Variants in KMT2B observed in about 807,000 individuals in gnomAD.
The protein encoded by KMT2B is histone-lysine N-methyltransferase 2B.
KMT2B carries 22 observed loss-of-function variants against 255.3 expected under a neutral mutation model. That is an observed-to-expected ratio of 0.09 (90% CI 0.06 to 0.12). KMT2B has a LOEUF of 0.12. Ranked by LOEUF, KMT2B falls within the 10% of genes least tolerant of loss-of-function variation. KMT2B has a pLI of 1.00. For missense variants in KMT2B, 3,149 were observed against 3,737.0 expected (o/e 0.84, Z 4.10); for synonymous variants, 1,730 against 1,498.1 (o/e 1.15, Z -3.57).
chr19:35,730,205 C>T (rs1442050734), intron 23 of KMT2B, 80 bp downstream of exon 23: 20 of 1,601,222 alleles, frequency 1.2e-5, no homozygotes, highest in Non-Finnish European at 1.5e-5. Flanking sequence ...GCCCCCAGGC[C>T]TGGCCCTACT....
In KMT2B at chr19:35,721,247, C is replaced by G; in HGVS notation, c.1900C>G (p.Pro634Ala). ...TCCACCTCCCCCGGCCCCCTCCCCA[C>G]CCCCTGCTCCTGCCACCTCCTCCCG... is the stretch of plus-strand genomic sequence containing the variant. ...APPPPPAPSP[P>A]PAPATSSRRP... Residue 634 changes from proline (P) to alanine (A), a missense_variant, in exon 3 of 37, where the codon CCC (proline) becomes GCC (alanine). By Grantham distance (27) the Pro-to-Ala change is conservative. This residue lies in a region of KMT2B where 1,188 missense variants were observed against 1,106.4 expected (regional missense o/e 1.07). Coordinates refer to ENST00000420124, the MANE Select transcript of KMT2B (RefSeq NM_014727.3). 6.6e-7 allele frequency: 1 copy of G among 1,520,200 alleles called. No homozygotes were observed. Among genetic ancestry groups the G allele is most frequent in the Non-Finnish European group, 8.8e-7 (1 of 1,130,698 alleles). 94.2% of individuals were successfully genotyped at this position (1,520,200 alleles called of 1,614,324 possible). A position where few individuals can be genotyped will look rare whatever the true frequency, so the allele number is the denominator to read the frequency against.
In KMT2B at chr19:35,730,352, A is replaced by G; in HGVS notation, c.5087A>G (p.Asn1696Ser). The G allele has an allele frequency of 3.1e-6, 5 of 1,610,868 alleles. No homozygotes were observed. The highest frequency in any genetic ancestry group is 4.2e-6 in the Non-Finnish European group (5 of 1,177,278). The change falls in exon 24 of 37, where the codon AAC (asparagine) becomes AGC (serine). Residue 1696 changes from asparagine to serine, a missense_variant. This residue lies in a region of KMT2B where 58 missense variants were observed against 96.9 expected (regional missense o/e 0.60). Coordinates refer to ENST00000420124, the MANE Select transcript of KMT2B (RefSeq NM_014727.3). The stretch of plus-strand genomic sequence containing the variant: ...CACCCCCTCTTCCAGGAAATTGTGA[A>G]CCCCGATGGTTTTGATGTTCTCCGC... ...TDLLDGKEIV[N>S]PDGFDVLRRV...
In KMT2B at chr19:35,720,240, G is replaced by A. The variant is rs745309333; in HGVS notation, c.893G>A (p.Gly298Asp). 5 of 1,612,314 alleles carry A rather than the reference G, an allele frequency of 3.1e-6. No homozygotes were observed. The South Asian group carries it at 5.5e-5, about 18-fold the overall frequency. Residue 298 changes from glycine (G) to aspartate (D), a missense_variant, in exon 3 of 37, where the codon GGT becomes GAT. Gly to Asp is a moderately conservative substitution (Grantham distance 94, BLOSUM62 -1). This residue lies in a region of KMT2B where 1,188 missense variants were observed against 1,106.4 expected (regional missense o/e 1.07). Transcript: ENST00000420124. ...GGRGGRGRGRGGGLPFVIKFV... is the reference protein window; with the variant it reads ...GGRGGRGRGRDGGLPFVIKFV... ...CGTGGAGGCAGGGGCCGCGGCCGAG[G>A]TGGTGGGCTCCCCTTTGTGATCAAG...
chr19:35,720,867 C>A lies in KMT2B; in HGVS notation c.1520C>A (p.Pro507Gln). 6.3e-7 allele frequency: 1 copy of A among 1,588,188 alleles called. No homozygotes were observed. Among genetic ancestry groups the A allele is most frequent in the Non-Finnish European group, 8.6e-7 (1 of 1,167,880 alleles). Residue 507 changes from proline to glutamine, a missense_variant, in exon 3 of 37, where the codon CCG becomes CAG. Physicochemically the swap from Pro to Gln is moderately conservative, Grantham distance 76. Around this residue, in one of 18 missense-constraint regions of KMT2B, gnomAD observed 1,188 missense variants for 1,106.4 expected, o/e 1.07. Transcript: ENST00000420124. Reference sequence around the variant, plus strand: ...CCCAGCACCGCCACGGGAGGCCCTCCGGAAGACAGTCCCACCGTGGCCCCC... The same window carrying A: ...CCCAGCACCGCCACGGGAGGCCCTCAGGAAGACAGTCCCACCGTGGCCCCC... ...PTPSTATGGP[P>Q]EDSPTVAPKS...
rs1206985227 is a variant in KMT2B at position 35,736,958 on chromosome 19, T to C, written c.7344T>C (p.His2448=). ...LIEKVQEARG[H]ARLRHLSFSG... is the part of the protein sequence containing the mutation. The stretch of plus-strand genomic sequence containing the variant: ...AGAAAGTGCAAGAGGCCCGAGGGCA[T>C]GCCCGACTCAGACATCTCTCCTTTA... Residue 2448 remains histidine, a synonymous_variant, in exon 32 of 37, where the codon CAT becomes CAC. Transcript: ENST00000420124. 1.2e-6 allele frequency: 2 copies of C among 1,613,746 alleles called. No homozygotes were observed. Among genetic ancestry groups the C allele is most frequent in the African/African-American group, 1.3e-5 (1 of 74,888 alleles).
Position 35,724,601 on chromosome 19 carries a change from G to A in KMT2B, c.3335-36G>A, listed in dbSNP as rs748232498. 1.3e-5 allele frequency: 20 copies of A among 1,524,096 alleles called. No homozygotes were observed. The East Asian group carries it at 4.3e-4, about 33-fold the overall frequency. 94.4% of individuals were successfully genotyped at this position (1,524,096 alleles called of 1,614,324 possible). On this transcript the variant is annotated intron_variant, in intron 8 of 36. Transcript: ENST00000420124. Reference sequence around the variant, plus strand: ...GTTGTAGAAGAAGAGGGGCGTGGAAGGGGAGTGACCTCACTGCTCATTGTG... The same window carrying A: ...GTTGTAGAAGAAGAGGGGCGTGGAAAGGGAGTGACCTCACTGCTCATTGTG...
In KMT2B at chr19:35,738,491, C is replaced by T. The variant is rs774495941; in HGVS notation, c.8082C>T (p.Ile2694=). 1.2e-5 allele frequency: 20 copies of T among 1,613,996 alleles called. No homozygotes were observed. In the East Asian group the frequency reaches 2.7e-4, roughly 22 times the overall value. ...EELTYDYKFP[I]EDASNKLPCN... The stretch of plus-strand genomic sequence containing the variant: ...TCACCTACGACTACAAGTTCCCCAT[C>T]GAGGATGCCAGCAACAAGCTGCCCT... Residue 2694 remains isoleucine (I), a synonymous_variant, in exon 37 of 37, where the codon ATC becomes ATT. Transcript: ENST00000420124. This position sits in a 1 kb window ranked among gnomAD's most constrained non-coding sequence, Gnocchi z 8.7.
chr19:35,732,404 C>T lies in KMT2B; in HGVS notation c.5855C>T (p.Thr1952Ile), dbSNP rs1969740520. 1.2e-6 allele frequency: 2 copies of T among 1,613,462 alleles called. No homozygotes were observed. Among genetic ancestry groups the T allele is most frequent in the Non-Finnish European group, 1.7e-6 (2 of 1,179,656 alleles). ...PPPTSVVTALTPTSGELAPPG... is the reference protein window; with the variant it reads ...PPPTSVVTALIPTSGELAPPG... ...CCTACCTCAGTCGTCACAGCCCTCA[C>T]ACCTACCTCAGGGGAGCTGGCTCCC... Residue 1952 changes from threonine (T) to isoleucine (I), a missense_variant, in exon 28 of 37, where the codon ACA (threonine) becomes ATA (isoleucine). Around this residue, in one of 18 missense-constraint regions of KMT2B, gnomAD observed 897 missense variants for 825.3 expected, o/e 1.09. Coordinates refer to ENST00000420124, the MANE Select transcript of KMT2B (RefSeq NM_014727.3).
At chr19:35,722,332 C>T (rs537107155) in intron 3 of KMT2B, 27 bp from the exon 4 acceptor site, 5 of 1,581,358 alleles carry the variant, frequency 3.2e-6, no homozygotes, top group African/African-American at 2.7e-5. Flanking sequence ...CACTGTCCAG[C>T]CCCTGACCCT....
Position 35,732,917 on chromosome 19 carries a change from G to C in KMT2B, c.6368G>C (p.Gly2123Ala). 3 of 1,609,366 alleles carry C rather than the reference G, an allele frequency of 1.9e-6. No individual in the cohort carries two copies. The highest frequency in any genetic ancestry group is 2.5e-6 in the Non-Finnish European group (3 of 1,178,450). ...IVDFVLKNLG[G>A]PGDGGAGPRE... is the part of the protein sequence containing the mutation. Reference sequence around the variant, plus strand: ...GATTTTGTGTTGAAGAACCTAGGGGGTCCTGGGGATGGAGGTGCTGGCCCT... The same window carrying C: ...GATTTTGTGTTGAAGAACCTAGGGGCTCCTGGGGATGGAGGTGCTGGCCCT... The change falls in exon 28 of 37, where the codon GGT (glycine) becomes GCT (alanine). Residue 2123 changes from glycine to alanine, a missense_variant. Transcript: ENST00000420124.
rs752268015 is a variant in KMT2B at position 35,719,791 on chromosome 19, G to A, written c.444G>A (p.Ala148=). 5 of 1,592,030 alleles carry A rather than the reference G, an allele frequency of 3.1e-6. No homozygotes were observed. The East Asian group carries it at 8.9e-5, about 28-fold the overall frequency. The stretch of plus-strand genomic sequence containing the variant: ...CAACTATTCTCCTTTTAGGTCGAGC[G>A]CCCCGAGGTCGGGGTCGCAAGCATA... ...RSALRSQRGR[A]PRGRGRKHKT... is the part of the protein sequence containing the mutation. Residue 148 remains alanine (A), a synonymous_variant, in exon 3 of 37, where the codon GCG becomes GCA. Transcript: ENST00000420124.
chr19:35,724,010 G>A lies in KMT2B; in HGVS notation c.3334+3G>A. On this transcript the variant is annotated splice_donor_region_variant and intron_variant, in intron 8 of 36. Transcript: ENST00000420124. The stretch of plus-strand genomic sequence containing the variant: ...GCGTCGGACCCCCCGAGAAAATGGT[G>A]CGAACTGCTTAATGCTTTCTCTGTT... 1 of 1,581,614 alleles carries A rather than the reference G, an allele frequency of 6.3e-7. No homozygotes were observed. Among genetic ancestry groups the A allele is most frequent in the Non-Finnish European group, 8.6e-7 (1 of 1,164,192 alleles).
chr19:35,731,673 AGAG>A (rs1469170119), intron 26 of KMT2B, among the ~76,000 whole-genome samples: 1 of 152,174 alleles, frequency 6.6e-6, no homozygotes, highest in Non-Finnish European at 1.5e-5. Context: ...GCAGAGGCAG[AGAG>A]GAGATGGCAA....
chr19:35,720,638 C>G lies in KMT2B; in HGVS notation c.1291C>G (p.Pro431Ala), dbSNP rs1381986068. 2 of 1,222,958 alleles carry G rather than the reference C, an allele frequency of 1.6e-6. No individual in the cohort carries two copies. The highest frequency in any genetic ancestry group is 5.3e-5 in the Admixed American group (2 of 37,940). The allele number at this position is 1,222,958 out of a possible 1,614,324, so 75.8% of individuals were successfully genotyped here. Residue 431 changes from proline to alanine, a missense_variant, in exon 3 of 37, where the codon CCA becomes GCA. Physicochemically the swap from Pro to Ala is conservative, Grantham distance 27 (BLOSUM62 -1). Transcript: ENST00000420124. ...ATCTCCTCCACCCCCACTCTGCCCTCCACCACCACCCCCAGTGTCCCCACC... is the reference window on the plus strand; with the variant it reads ...ATCTCCTCCACCCCCACTCTGCCCTGCACCACCACCCCCAGTGTCCCCACC... ...STSPPPPLCP[P>A]PPPPVSPPPL...
intron 26 of KMT2B, among the ~76,000 whole-genome samples, chr19:35,731,483 GT>G (rs1366393211): frequency 6.6e-6 from 1 of 152,200 alleles, no homozygotes; most frequent in Non-Finnish European, 1.5e-5. Flanking sequence ...AAACCAGGGA[GT>G]TTTGGGTGGA....
Position 35,720,080 on chromosome 19 carries a change from G to A in KMT2B, c.733G>A (p.Val245Met), listed in dbSNP as rs1186795675. 2 of 1,606,204 alleles carry A rather than the reference G, an allele frequency of 1.2e-6. No homozygotes were observed. The highest frequency in any genetic ancestry group is 8.5e-7 in the Non-Finnish European group (1 of 1,176,340). The change falls in exon 3 of 37, where the codon GTG (valine) becomes ATG (methionine). Residue 245 changes from valine (V) to methionine (M), a missense_variant. This residue lies in a region of KMT2B where 1,188 missense variants were observed against 1,106.4 expected (regional missense o/e 1.07). Transcript: ENST00000420124. ...QQAVVVAEAA[V>M]TIPKPEPPPP... The stretch of plus-strand genomic sequence containing the variant: ...AGCAGTAGTGGTGGCAGAAGCAGCT[G>A]TGACAATCCCCAAACCTGAGCCCCC...
chr19:35,727,652 C>CG lies in KMT2B; in HGVS notation c.4302+34dup, dbSNP rs765474608. 1 of 1,612,260 alleles carries CG rather than the reference C, an allele frequency of 6.2e-7. No individual in the cohort carries two copies. The highest frequency in any genetic ancestry group is 1.1e-5 in the South Asian group (1 of 91,048). ...GGAGGGCCCTGGAGGCAGGATGGGC[C>CG]GGGGCTAGGCCCACCCCCAGCCCTG... On this transcript the variant is annotated intron_variant, in intron 16 of 36. Transcript: ENST00000420124. This position sits in a 1 kb window ranked among gnomAD's most constrained non-coding sequence, Gnocchi z 4.2.
In KMT2B at chr19:35,726,612, G is replaced by A. The variant is rs73048518; in HGVS notation, c.4003+259G>A. On this transcript the variant is annotated intron_variant, in intron 14 of 36. Coordinates refer to ENST00000420124, the MANE Select transcript of KMT2B (RefSeq NM_014727.3). Reference sequence around the variant, plus strand: ...TCTGAGGTACTTCCTGGAACCTCACGTCTCCATTGAGCGGTTTGGAAGCCT... The same window carrying A: ...TCTGAGGTACTTCCTGGAACCTCACATCTCCATTGAGCGGTTTGGAAGCCT... Among the ~76,000 whole-genome samples, 6,862 of 152,202 alleles carry A rather than the reference G, an allele frequency of 0.045. 203 individuals carry two copies. The highest frequency in any genetic ancestry group is 0.087 in the South Asian group (419 of 4,816).
Position 35,721,062 on chromosome 19 carries a change from C to T in KMT2B, c.1715C>T (p.Pro572Leu), listed in dbSNP as rs768154617. 2.5e-6 allele frequency: 4 copies of T among 1,610,852 alleles called. No individual in the cohort carries two copies. The highest frequency in any genetic ancestry group is 2.7e-5 in the African/African-American group (2 of 74,578). Residue 572 changes from proline to leucine, a missense_variant, in exon 3 of 37, where the codon CCT becomes CTT. Pro to Leu is a moderately conservative substitution (Grantham distance 98). Coordinates refer to ENST00000420124, the MANE Select transcript of KMT2B (RefSeq NM_014727.3). ...CGACCTCCCATTACCACCTCCCCACCTGTTCCCCAGGAGCCAGCACCAGTC... is the reference window on the plus strand; with the variant it reads ...CGACCTCCCATTACCACCTCCCCACTTGTTCCCCAGGAGCCAGCACCAGTC... ...VLRPPITTSP[P>L]VPQEPAPVPS...
Sources: gnomAD v4.1 joint callset for allele counts (sites outside exome capture counted in the v4.1 genomes callset) on GRCh38, gnomAD v4.1.1 for gene constraint, gnomAD v4.1.1 regional missense constraint, Gnocchi (gnomAD v3.1) non-coding constraint, MANE v1.5 for transcripts, NCBI Gene and HGNC (gene_info 2026-07-23, HGNC 2026-07-21) for gene names.